Variants in CHST11 observed in about 807,000 individuals in gnomAD.
CHST11 encodes C4S-1.
A neutral mutation model predicts 30.4 loss-of-function variants in CHST11; 9 were observed. The ratio of observed to expected loss-of-function variants is 0.30; its 90% CI spans 0.18 to 0.52. The LOEUF is 0.52. Ranked by LOEUF, CHST11 falls within the 20% of genes least tolerant of loss-of-function variation. CHST11 has a pLI of 0.97. For missense variants in CHST11, 348 were observed against 460.6 expected (o/e 0.76, Z 2.24); for synonymous variants, 152 against 187.8 (o/e 0.81, Z 1.56).
intron 2 of CHST11, among the ~76,000 whole-genome samples, chr12:104,670,078 G>A (rs1202865494): frequency 2.0e-5 from 3 of 152,206 alleles, no homozygotes; most frequent in Admixed American, 2.0e-4. Context: ...CTGGACAGAG[G>A]CGGAAGCTTG....
chr12:104,726,121 A>G (rs1213678222), intron 2 of CHST11, among the ~76,000 whole-genome samples: 1 of 152,256 alleles, frequency 6.6e-6, no homozygotes, highest in Non-Finnish European at 1.5e-5. Context: ...ACAGAGAGAT[A>G]GCAGAAAGAA....
At chr12:104,732,789 ATCC>A (rs1185989279) in intron 2 of CHST11, among the ~76,000 whole-genome samples, 2 of 152,230 alleles carry the variant, frequency 1.3e-5, no homozygotes, top group African/African-American at 2.4e-5. Flanking sequence ...TCTTTTTGGC[ATCC>A]TCCTCCCCAG....
At chr12:104,531,517 C>T (rs2038184488) in intron 1 of CHST11, among the ~76,000 whole-genome samples, 1 of 149,414 alleles carries the variant, frequency 6.7e-6, no homozygotes, top group South Asian at 2.1e-4. Flanking sequence ...GACATGGATA[C>T]AAAGGATGGG....
chr12:104,735,001 C>G (rs2040288565), intron 2 of CHST11, among the ~76,000 whole-genome samples: 1 of 152,200 alleles, frequency 6.6e-6, no homozygotes, highest in African/African-American at 2.4e-5. Flanking sequence ...TTCTGTTCTG[C>G]AAACATTTTT....
chr12:104,615,665 G>A (rs1204759325), intron 2 of CHST11, among the ~76,000 whole-genome samples: 4 of 152,286 alleles, frequency 2.6e-5, no homozygotes, highest in Admixed American at 1.3e-4. Flanking sequence ...GGTGGCTCAC[G>A]CTTGTAATTC....
chr12:104,696,659 CG>C (rs2039950355), intron 2 of CHST11, among the ~76,000 whole-genome samples: 2 of 151,842 alleles, frequency 1.3e-5, no homozygotes, highest in South Asian at 4.2e-4. Context: ...GAGTGAGACT[CG>C]GTCTCAAAAA....
At chr12:104,597,781 G>A (rs12827945) in intron 1 of CHST11, among the ~76,000 whole-genome samples, 56,819 of 151,700 alleles carry the variant, frequency 0.37, 10,831 homozygotes, top group East Asian at 0.6. Flanking sequence ...GATGAATCCT[G>A]TTGTATTTTG....
chr12:104,646,693 G>A (rs960532807), intron 2 of CHST11, among the ~76,000 whole-genome samples: 13 of 152,140 alleles, frequency 8.5e-5, no homozygotes, highest in East Asian at 1.9e-4. Flanking sequence ...GCAAGACTCC[G>A]TCTCAAAAAG....
intron 1 of CHST11, among the ~76,000 whole-genome samples, chr12:104,472,141 CTTT>C (rs554866671): frequency 2.2e-5 from 3 of 139,460 alleles, no homozygotes; most frequent in Admixed American, 7.2e-5. Context: ...TTTTTTTTTT[CTTT>C]TTTTTTTTTT....
intron 1 of CHST11, among the ~76,000 whole-genome samples, chr12:104,459,632 A>G (rs1480726262): frequency 6.6e-6 from 1 of 152,220 alleles, no homozygotes; most frequent in Non-Finnish European, 1.5e-5. Flanking sequence ...ACTTTGTGAA[A>G]ATTTCCAGCC....
At chr12:104,564,688 T>C (rs900956020) in intron 1 of CHST11, among the ~76,000 whole-genome samples, 2 of 152,216 alleles carry the variant, frequency 1.3e-5, no homozygotes, top group Admixed American at 1.3e-4. Flanking sequence ...AAGATGCACA[T>C]CGGTGATCCT....
At chr12:104,489,372 A>G (rs1349652424) in intron 1 of CHST11, among the ~76,000 whole-genome samples, 1 of 151,788 alleles carries the variant, frequency 6.6e-6, no homozygotes, top group Non-Finnish European at 1.5e-5. Flanking sequence ...GTCAGATTGG[A>G]TTAGGGTCCA....
At chr12:104,752,437 T>C (rs1592875608) in intron 2 of CHST11, among the ~76,000 whole-genome samples, 1 of 152,200 alleles carries the variant, frequency 6.6e-6, no homozygotes, top group East Asian at 1.9e-4. Flanking sequence ...GGAGGGACAT[T>C]ATTTGTCACA....
intron 1 of CHST11, among the ~76,000 whole-genome samples, chr12:104,543,923 C>T (rs1565980994): frequency 1.3e-5 from 2 of 151,362 alleles, no homozygotes; most frequent in Admixed American, 6.6e-5. Flanking sequence ...GAATTCAAGA[C>T]TAGCCTGGGC....
chr12:104,621,659 A>G (rs1205865370), intron 2 of CHST11, among the ~76,000 whole-genome samples: 1 of 152,198 alleles, frequency 6.6e-6, no homozygotes, highest in Non-Finnish European at 1.5e-5. Context: ...AAGCCTAGGA[A>G]TGTAAGTGAC....
chr12:104,689,819 A>G (rs547414208), intron 2 of CHST11, among the ~76,000 whole-genome samples: 8 of 151,702 alleles, frequency 5.3e-5, no homozygotes, highest in Admixed American at 6.6e-5. Flanking sequence ...CCCTCCCAAT[A>G]CTGTCCCCAG....
intron 2 of CHST11, among the ~76,000 whole-genome samples, chr12:104,714,578 G>C (rs1359545948): frequency 6.7e-6 from 1 of 150,284 alleles, no homozygotes. Flanking sequence ...GATGATGATG[G>C]TGACGGTGAT....
intron 1 of CHST11, among the ~76,000 whole-genome samples, chr12:104,561,681 T>C (rs2038514580): frequency 6.6e-6 from 1 of 152,236 alleles, no homozygotes; most frequent in Non-Finnish European, 1.5e-5. Flanking sequence ...TCTGTATTAT[T>C]ATTGTCATTG....
At chr12:104,694,115 T>G (rs2039922939) in intron 2 of CHST11, among the ~76,000 whole-genome samples, 1 of 152,224 alleles carries the variant, frequency 6.6e-6, no homozygotes, top group East Asian at 1.9e-4. Context: ...TACCCAGCTT[T>G]ATGGCATATC....
Sources: gnomAD v4.1 joint callset for allele counts (sites outside exome capture counted in the v4.1 genomes callset) on GRCh38, gnomAD v4.1.1 for gene constraint, MANE v1.5 for transcripts, NCBI Gene and HGNC (gene_info 2026-07-23, HGNC 2026-07-21) for gene names.